B4GALNT3: variants seen among roughly 807,000 people sequenced by gnomAD.
The protein encoded by B4GALNT3 is beta-1,4-N-acetylgalactosaminyltransferase 3.
In B4GALNT3, 86 loss-of-function variants were observed where a neutral mutation model predicts 120.2. The observed-to-expected ratio is 0.72, with a 90% CI of 0.60 to 0.86. The LOEUF is 0.86. Ranked by LOEUF, B4GALNT3 falls within the 40% of genes least tolerant of loss-of-function variation. The pLI, the probability that B4GALNT3 is intolerant of heterozygous loss-of-function variation, is 0.00. For missense variants in B4GALNT3, 1,167 were observed against 1,298.9 expected, an observed-to-expected ratio of 0.90 and a Z score of 1.56; for synonymous variants, 518 against 510.4, an observed-to-expected ratio of 1.01 and a Z score of -0.20.
At chr12:465,715 T>C (rs975304437) in intron 1 of B4GALNT3, among the ~76,000 whole-genome samples, 4 of 152,102 alleles carry the variant, frequency 2.6e-5, no homozygotes, top group African/African-American at 7.2e-5. Flanking sequence ...GACCCTCAAG[T>C]TGAGGTCCCA....
intron 1 of B4GALNT3, among the ~76,000 whole-genome samples, chr12:532,736 T>G (rs1334880229): frequency 6.6e-6 from 1 of 151,820 alleles, no homozygotes; most frequent in Non-Finnish European, 1.5e-5. Context: ...AAGGATGAGG[T>G]CTTGTAAAAA....
chr12:538,932 A>G lies in B4GALNT3; in HGVS notation c.351+2637A>G, dbSNP rs369506984. On this transcript the variant is annotated intron_variant, in intron 3 of 19. Transcript: ENST00000266383. ...ACACATCGTTTATTGAGCATCTACT[A>G]CTGTCCGGGAGCTGTCAGGTTGTTC... Among the ~76,000 whole-genome samples the G allele has an allele frequency of 1.6e-4, 24 of 152,244 alleles. 1 individual carries two copies. The South Asian group carries it at 4.8e-3, about 30-fold the overall frequency.
At chr12:547,955 GT>G in intron 7 of B4GALNT3, 68 bp from the exon 8 acceptor site, 2 of 1,344,368 alleles carry the variant, frequency 1.5e-6, no homozygotes, top group East Asian at 4.6e-5. Context: ...CTGGAAGGGG[GT>G]GGGACAGAGC....
intron 1 of B4GALNT3, among the ~76,000 whole-genome samples, chr12:467,844 T>A (rs1411465476): frequency 6.6e-6 from 1 of 152,208 alleles, no homozygotes; most frequent in Non-Finnish European, 1.5e-5. Context: ...CTTCTGGTCT[T>A]GGTCTTAGAA....
intron 1 of B4GALNT3, among the ~76,000 whole-genome samples, chr12:519,057 C>T (rs542304921): frequency 1.8e-4 from 28 of 152,236 alleles, no homozygotes; most frequent in African/African-American, 5.8e-4. Flanking sequence ...TAAACTGATC[C>T]AAGAAGCCAA....
At chr12:509,268 C>G (rs1946524308) in intron 1 of B4GALNT3, among the ~76,000 whole-genome samples, 1 of 152,220 alleles carries the variant, frequency 6.6e-6, no homozygotes, top group South Asian at 2.1e-4. Context: ...TAACAGCTGA[C>G]AAGTGCTCTG....
At chr12:558,233 G>A (rs1947182757) in intron 17 of B4GALNT3, 145 bp downstream of exon 17, 5 of 936,598 alleles carry the variant, frequency 5.3e-6, no homozygotes, top group Middle Eastern at 5.4e-4. Flanking sequence ...CTGCAGGCCA[G>A]TGCTAGGGTG....
chr12:546,748 T>C, intron 7 of B4GALNT3, 35 bp downstream of exon 7: 2 of 1,535,530 alleles, frequency 1.3e-6, no homozygotes, highest in Non-Finnish European at 1.8e-6. Context: ...TGTGGGCGCC[T>C]CGGTGCCTCG....
intron 19 of B4GALNT3, 95 bp from the exon 20 acceptor site, chr12:561,248 G>T: frequency 2.2e-6 from 2 of 903,854 alleles, no homozygotes; most frequent in South Asian, 2.9e-5. Flanking sequence ...TCCCTGCCCC[G>T]TGGGGAGCGA....
intron 1 of B4GALNT3, among the ~76,000 whole-genome samples, chr12:494,024 CT>C (rs978480477): frequency 1.3e-5 from 2 of 152,180 alleles, no homozygotes; most frequent in Non-Finnish European, 2.9e-5. Flanking sequence ...AATCCCAGCA[CT>C]TTGGGAGGTC....
rs2535409 is a variant in B4GALNT3 at position 561,904 on chromosome 12, G to A, written c.*453G>A. ...AAAACCGAAACTGCTGTCCAGAGCG[G>A]GGGTGAGGTTGTGCACTGAGGGACT... is the stretch of plus-strand genomic sequence containing the variant. On this transcript the variant is annotated 3_prime_UTR_variant, in exon 20 of 20. Coordinates refer to ENST00000266383, the MANE Select transcript of B4GALNT3 (RefSeq NM_173593.4). 4,439 of 158,826 alleles carry A rather than the reference G, an allele frequency of 0.028. 214 individuals carry two copies. The highest frequency in any genetic ancestry group is 0.1 in the African/African-American group (4,151 of 41,626). 9.8% of individuals were successfully genotyped at this position (158,826 alleles called of 1,614,324 possible). A position where few individuals can be genotyped will look rare whatever the true frequency, so the allele number is the denominator to read the frequency against.
chr12:555,996 G>T (rs1236227476), intron 14 of B4GALNT3, among the ~76,000 whole-genome samples: 1 of 151,280 alleles, frequency 6.6e-6, no homozygotes, highest in Non-Finnish European at 1.5e-5. Flanking sequence ...TATTAGCCAG[G>T]CTGGTCTTGA....
intron 6 of B4GALNT3, among the ~76,000 whole-genome samples, chr12:545,758 A>G (rs1242397869): frequency 1.0e-5 from 1 of 97,534 alleles, no homozygotes; most frequent in Non-Finnish European, 2.0e-5. Flanking sequence ...AGGAGTGAGG[A>G]GTGGGGAGGT....
rs1468646477 is a variant in B4GALNT3, at chr12:460,238, C to G, written c.-139C>G. The stretch of plus-strand genomic sequence containing the variant: ...CATGAGCCCGAGCCCCGCCGGAGAG[C>G]GGCCGGGAGAGACGGCCTCGGCGCA... On this transcript the variant is annotated 5_prime_UTR_variant, in exon 1 of 20. Transcript: ENST00000266383. The surrounding 1 kb of genome is among the most constrained non-coding windows in gnomAD (Gnocchi z 8.0). The G allele has an allele frequency of 4.7e-6, 3 of 633,096 alleles. No individual in the cohort carries two copies. The African/African-American group carries it at 6.0e-5, about 13-fold the overall frequency. 39.2% of individuals were successfully genotyped at this position (633,096 alleles called of 1,614,324 possible).
intron 1 of B4GALNT3, among the ~76,000 whole-genome samples, chr12:492,596 G>T (rs1451419450): frequency 6.6e-6 from 1 of 152,192 alleles, no homozygotes; most frequent in Non-Finnish European, 1.5e-5. Flanking sequence ...AAGTTATTTT[G>T]TGAATATTGG....
intron 1 of B4GALNT3, among the ~76,000 whole-genome samples, chr12:506,833 T>C (rs1946501649): frequency 6.6e-6 from 1 of 152,204 alleles, no homozygotes; most frequent in Admixed American, 6.5e-5. Context: ...AGACGGGGTT[T>C]CACCGTGTTA....
chr12:499,165 A>G (rs1946416743), intron 1 of B4GALNT3, among the ~76,000 whole-genome samples: 2 of 152,254 alleles, frequency 1.3e-5, no homozygotes, highest in African/African-American at 4.8e-5. Flanking sequence ...GCTGGTGAGC[A>G]GGTGGAATCA....
At chr12:469,318 G>A (rs1168173507) in intron 1 of B4GALNT3, among the ~76,000 whole-genome samples, 4 of 152,166 alleles carry the variant, frequency 2.6e-5, no homozygotes, top group Non-Finnish European at 4.4e-5. Context: ...ACTAAATGAG[G>A]TTTAGTGAGC....
intron 15 of B4GALNT3, 140 bp from the exon 16 acceptor site, chr12:557,468 G>T: frequency 1.3e-6 from 1 of 785,648 alleles, no homozygotes; most frequent in South Asian, 1.8e-5. Flanking sequence ...CACTGCTAAT[G>T]GTTTTGCAGA....
Sources: gnomAD v4.1 joint callset for allele counts (sites outside exome capture counted in the v4.1 genomes callset) on GRCh38, gnomAD v4.1.1 for gene constraint, Gnocchi (gnomAD v3.1) non-coding constraint, MANE v1.5 for transcripts, NCBI Gene and HGNC (gene_info 2026-07-23, HGNC 2026-07-21) for gene names.